LRRC17: variants seen among roughly 807,000 people sequenced by gnomAD.
LRRC17 encodes leucine-rich repeat-containing protein 17.
A neutral mutation model predicts 41.5 loss-of-function variants in LRRC17; 33 were observed. The ratio of observed to expected loss-of-function variants is 0.80; its 90% CI spans 0.60 to 1.06. LRRC17 has a LOEUF of 1.06. Ranked by LOEUF, LRRC17 falls within the 50% of genes least tolerant of loss-of-function variation. The pLI is 0.00. For synonymous variants in LRRC17, 192 were observed against 197.0 expected, an observed-to-expected ratio of 0.97 and a Z score of 0.21; for missense variants, 491 against 519.3, an observed-to-expected ratio of 0.95 and a Z score of 0.53.
rs376246276 is a variant in LRRC17 at position 102,933,957 on chromosome 7, C to G, written c.44C>G (p.Ala15Gly). ...GTAATCTTGCTCTGCTTTTGCAAAG[C>G]GGCTGAGCTGCGCAAAGCAAGCCCA... The part of the protein sequence containing the change: ...TIVILLCFCK[A>G]AELRKASPGS... Residue 15 changes from alanine to glycine, a missense_variant, in exon 2 of 4, where the codon GCG becomes GGG. Ala to Gly is a moderately conservative substitution (Grantham distance 60). Transcript: ENST00000339431. 1.2e-6 allele frequency: 2 copies of G among 1,613,318 alleles called. No individual in the cohort carries two copies. Among genetic ancestry groups the G allele is most frequent in the Non-Finnish European group, 1.7e-6 (2 of 1,179,524 alleles).
At chr7:102,919,427 A>G (rs937703822) in intron 1 of LRRC17, among the ~76,000 whole-genome samples, 1 of 152,260 alleles carries the variant, frequency 6.6e-6, no homozygotes, top group Non-Finnish European at 1.5e-5. Flanking sequence ...TGAAGCATTA[A>G]GAATAAAAAT....
intron 2 of LRRC17, among the ~76,000 whole-genome samples, chr7:102,938,679 T>C (rs1408298256): frequency 6.6e-6 from 1 of 152,184 alleles, no homozygotes. Flanking sequence ...GGGAAATGTA[T>C]ATTTATATAC....
Position 102,934,347 on chromosome 7 carries a change from C to T in LRRC17, c.434C>T (p.Thr145Met), listed in dbSNP as rs371788242. Residue 145 changes from threonine to methionine, a missense_variant, in exon 2 of 4, where the codon ACG becomes ATG. Thr to Met is a moderately conservative substitution (Grantham distance 81, BLOSUM62 -1). Coordinates refer to ENST00000339431, the MANE Select transcript of LRRC17 (RefSeq NM_001031692.3). Reference sequence around the variant, plus strand: ...CAGCACAACCAGATCAAAGTCTTGACGGAGGAAGTGTTCATTTACACACCT... The same window carrying T: ...CAGCACAACCAGATCAAAGTCTTGATGGAGGAAGTGTTCATTTACACACCT... The part of the protein sequence containing the change: ...LLQHNQIKVL[T>M]EEVFIYTPLL... The T allele has an allele frequency of 1.1e-5, 18 of 1,613,960 alleles. No homozygotes were observed. Among genetic ancestry groups the T allele is most frequent in the East Asian group, 6.7e-5 (3 of 44,898 alleles).
At chr7:102,942,448 TA>T (rs1488694211) in intron 3 of LRRC17, 3 of 979,444 alleles carry the variant, frequency 3.1e-6, no homozygotes, top group African/African-American at 1.7e-5. Flanking sequence ...GATACCCTAC[TA>T]GGGGGTTTTT....
At chr7:102,933,291 G>T (rs2056584) in intron 1 of LRRC17, 1 of 150,076 alleles carries the variant, frequency 6.7e-6, no homozygotes, top group East Asian at 1.9e-4. Flanking sequence ...AAAAAAAAAA[G>T]GCTCAGGAAG....
chr7:102,944,826 G>A lies in LRRC17; in HGVS notation c.*219G>A. ...TTTGTGGAACAGCATCTGGTGATAT[G>A]CAATTCCACACTGGTAACCTGCAGC... On this transcript the variant is annotated 3_prime_UTR_variant, in exon 4 of 4. Coordinates refer to ENST00000339431, the MANE Select transcript of LRRC17 (RefSeq NM_001031692.3). 1 of 463,040 alleles carries A rather than the reference G, an allele frequency of 2.2e-6. No individual in the cohort carries two copies. Among genetic ancestry groups the A allele is most frequent in the Middle Eastern group, 5.5e-4 (1 of 1,834 alleles). 28.7% of individuals were successfully genotyped at this position (463,040 alleles called of 1,614,324 possible).
chr7:102,925,277 C>T (rs1817902515), intron 1 of LRRC17, among the ~76,000 whole-genome samples: 1 of 152,036 alleles, frequency 6.6e-6, no homozygotes, highest in Non-Finnish European at 1.5e-5. Context: ...CTCCTGTAGT[C>T]CCAGCTACTC....
At chr7:102,923,110 C>A (rs1817408643) in intron 1 of LRRC17, among the ~76,000 whole-genome samples, 1 of 152,162 alleles carries the variant, frequency 6.6e-6, no homozygotes. Context: ...CCAAAATCTG[C>A]TTGTCAATGA....
At chr7:102,914,802 C>T (rs754763304) in intron 1 of LRRC17, among the ~76,000 whole-genome samples, 1 of 152,182 alleles carries the variant, frequency 6.6e-6, no homozygotes, top group African/African-American at 2.4e-5. Context: ...CACGCCCCCT[C>T]TCTTGGGGCT....
In LRRC17 at chr7:102,944,097, ATTTTC is replaced by A. The variant is rs1381548763; in HGVS notation, c.929-112_929-108del. 204 of 837,346 alleles carry A rather than the reference ATTTTC, an allele frequency of 2.4e-4. 1 individual carries two copies. The Middle Eastern group carries it at 6.5e-3, about 27-fold the overall frequency. 51.9% of individuals were successfully genotyped at this position (837,346 alleles called of 1,614,324 possible). A position where few individuals can be genotyped will look rare whatever the true frequency, so the allele number is the denominator to read the frequency against. On this transcript the variant is annotated intron_variant, in intron 3 of 3. Transcript: ENST00000339431. ...AAAAGAAAGGAAAAGAAATCTCTTT[ATTTTC>A]AAAGGGGAAAATTAAGCCTCTTTTT...
In LRRC17 at chr7:102,939,489, A is replaced by G; in HGVS notation, c.832A>G (p.Asn278Asp). Residue 278 changes from asparagine (N) to aspartate (D), a missense_variant, in exon 3 of 4, where the codon AAT (asparagine) becomes GAT (aspartate). By Grantham distance (23) the Asn-to-Asp change is conservative (BLOSUM62 1). Transcript: ENST00000339431. ...TATTGTTAAACTTGACTTGTCATACAATAAAATCAACCAACTTCGACCCAA... is the reference window on the plus strand; with the variant it reads ...TATTGTTAAACTTGACTTGTCATACGATAAAATCAACCAACTTCGACCCAA... ...PDIVKLDLSY[N>D]KINQLRPKEF... is the part of the protein sequence containing the mutation. 1 of 1,614,030 alleles carries G rather than the reference A, an allele frequency of 6.2e-7. No homozygotes were observed. The highest frequency in any genetic ancestry group is 1.1e-5 in the South Asian group (1 of 91,068).
intron 1 of LRRC17, among the ~76,000 whole-genome samples, chr7:102,924,498 A>G (rs1445237422): frequency 6.6e-6 from 1 of 152,166 alleles, no homozygotes; most frequent in Non-Finnish European, 1.5e-5. Flanking sequence ...AAAGCTTTAT[A>G]GATTTGACTA....
chr7:102,925,758 A>G (rs1489541383), intron 1 of LRRC17, among the ~76,000 whole-genome samples: 1 of 152,120 alleles, frequency 6.6e-6, no homozygotes, highest in African/African-American at 2.4e-5. Flanking sequence ...CCTGACCAAC[A>G]TGGAGAAACC....
rs751312990 is a variant in LRRC17 at position 102,934,546 on chromosome 7, G to C, written c.633G>C (p.Leu211Phe). The change falls in exon 2 of 4, where the codon TTG (leucine) becomes TTC (phenylalanine). Residue 211 changes from leucine to phenylalanine, a missense_variant. Physicochemically the swap from Leu to Phe is conservative, Grantham distance 22 (BLOSUM62 0). Coordinates refer to ENST00000339431, the MANE Select transcript of LRRC17 (RefSeq NM_001031692.3). ...TGCGGCAGATAAAATCTGAACAGTT[G>C]TGTAATGAAGAAGAAAAGGAACAAT... ...KKLRQIKSEQ[L>F]CNEEEKEQLD... 1.7e-5 allele frequency: 26 copies of C among 1,528,876 alleles called. No individual in the cohort carries two copies. The highest frequency in any genetic ancestry group is 1.1e-5 in the Non-Finnish European group (13 of 1,134,284). 94.7% of individuals were successfully genotyped at this position (1,528,876 alleles called of 1,614,324 possible).
At chr7:102,915,915 A>T (rs1815762254) in intron 1 of LRRC17, among the ~76,000 whole-genome samples, 1 of 152,168 alleles carries the variant, frequency 6.6e-6, no homozygotes, top group Non-Finnish European at 1.5e-5. Flanking sequence ...TGTCCCAGAG[A>T]CTGCTAATAC....
rs1822208669 is a variant in LRRC17 at position 102,944,980 on chromosome 7, T to G, written c.*373T>G. The G allele has an allele frequency of 6.1e-6, 1 of 163,134 alleles. No homozygotes were observed. Among genetic ancestry groups the G allele is most frequent in the African/African-American group, 2.4e-5 (1 of 41,882 alleles). The allele number at this position is 163,134 out of a possible 1,614,324, so 10.1% of individuals were successfully genotyped here. A position where few individuals can be genotyped will look rare whatever the true frequency, so the allele number is the denominator to read the frequency against. On this transcript the variant is annotated 3_prime_UTR_variant, in exon 4 of 4. Coordinates refer to ENST00000339431, the MANE Select transcript of LRRC17 (RefSeq NM_001031692.3). ...CTTTCGATAGCTGTTTGTGCATACT[T>G]AAAGATGATCAAAATGATTTTATAC...
rs764007775 is a variant in LRRC17, at chr7:102,944,569, G to A, written c.1288G>A (p.Ala430Thr). 2.0e-5 allele frequency: 32 copies of A among 1,610,020 alleles called. No homozygotes were observed. Among genetic ancestry groups the A allele is most frequent in the Middle Eastern group, 3.3e-4 (2 of 6,058 alleles). The stretch of plus-strand genomic sequence containing the variant: ...GGAAAAAAAACATAGAGATCACACC[G>A]CAAAGAAGCAAAGCGTAATAATTAC... ...EWEKKHRDHTAKKQSVIITIV... is the reference protein window; with the variant it reads ...EWEKKHRDHTTKKQSVIITIV... The change falls in exon 4 of 4, where the codon GCA becomes ACA. Residue 430 changes from alanine (A) to threonine (T), a missense_variant. Physicochemically the swap from Ala to Thr is moderately conservative, Grantham distance 58 (BLOSUM62 0). Transcript: ENST00000339431.
intron 3 of LRRC17, among the ~76,000 whole-genome samples, chr7:102,941,602 T>C (rs528642592): frequency 6.6e-6 from 1 of 152,238 alleles, no homozygotes; most frequent in East Asian, 1.9e-4. Context: ...GTGAACCCAT[T>C]GGATGGCTAC....
chr7:102,913,914 G>T (rs1309894443), intron 1 of LRRC17, among the ~76,000 whole-genome samples: 1 of 152,120 alleles, frequency 6.6e-6, no homozygotes, highest in Non-Finnish European at 1.5e-5. Flanking sequence ...AATCTCGCTG[G>T]AGTTGAAACA....
Sources: allele counts gnomAD v4.1 joint callset (sites outside exome capture counted in the v4.1 genomes callset), GRCh38; gene constraint gnomAD v4.1.1; transcripts MANE v1.5; gene names NCBI Gene and HGNC (gene_info 2026-07-23, HGNC 2026-07-21).